Variants in TNFSF11 observed in about 807,000 individuals in gnomAD.
TNFSF11 encodes tumor necrosis factor ligand superfamily member 11.
A neutral mutation model predicts 32.2 loss-of-function variants in TNFSF11; 12 were observed. The observed-to-expected ratio is 0.37, with a 90% confidence interval of 0.24 to 0.60. The LOEUF is 0.60. Among genes scored for constraint, TNFSF11 ranks in the 20% least tolerant of loss-of-function variants. The probability of loss-of-function intolerance (pLI) is 0.66; values close to 1 mark genes in which losing one functional copy is unlikely to be tolerated. For missense variants in TNFSF11, 345 were observed against 398.0 expected, an observed-to-expected ratio of 0.87 and a Z score of 1.13; for synonymous variants, 172 against 152.1, an observed-to-expected ratio of 1.13 and a Z score of -0.96.
At chr13:42,589,664 T>A (rs1443807299) in intron 2 of TNFSF11, among the ~76,000 whole-genome samples, 2 of 152,070 alleles carry the variant, frequency 1.3e-5, no homozygotes, top group Non-Finnish European at 2.9e-5. Context: ...CTCACCACAG[T>A]ATGGTGCTGA....
chr13:42,604,640 C>T lies in TNFSF11; in HGVS notation c.533-1857C>T, dbSNP rs576912741. Among the ~76,000 whole-genome samples, 4 of 152,286 alleles carry T rather than the reference C, an allele frequency of 2.6e-5. No homozygotes were observed. In the East Asian group the frequency reaches 7.7e-4, roughly 29 times the overall value. On this transcript the variant is annotated intron_variant, in intron 4 of 4. Coordinates refer to ENST00000398795, the MANE Select transcript of TNFSF11 (RefSeq NM_003701.4). ...TAGTTTTGAGGCTCCCAGATCATAT[C>T]CCAGGCTCCCAGTTCTTTAGAGATA... is the stretch of plus-strand genomic sequence containing the variant.
intron 4 of TNFSF11, among the ~76,000 whole-genome samples, chr13:42,602,317 G>A (rs1026768906): frequency 7.9e-5 from 12 of 152,298 alleles, no homozygotes; most frequent in Middle Eastern, 6.8e-3. Flanking sequence ...GCCATAGTAA[G>A]CACTTGGGAG....
intron 1 of TNFSF11, among the ~76,000 whole-genome samples, chr13:42,580,669 C>T (rs972064806): frequency 5.3e-5 from 8 of 152,110 alleles, no homozygotes; most frequent in Non-Finnish European, 7.4e-5. Context: ...ATGTTGATTT[C>T]GCCTGTTTTA....
At chr13:42,605,072 C>T (rs865867377) in intron 4 of TNFSF11, among the ~76,000 whole-genome samples, 2 of 152,180 alleles carry the variant, frequency 1.3e-5, no homozygotes, top group South Asian at 2.1e-4. Context: ...CGTGAGCCAC[C>T]GTGCCCAGCC....
rs118013162 is a variant in TNFSF11, at chr13:42,587,894, A to G, written c.387+6601A>G. ...TGTAACTGCTTGTGAAACTGTAATC[A>G]TTGAAGTTGTTATATGCCACTATTT... On this transcript the variant is annotated intron_variant, in intron 2 of 4. Transcript: ENST00000398795. Among the ~76,000 whole-genome samples the G allele has an allele frequency of 9.5e-3, 1,452 of 152,352 alleles. 13 individuals carry two copies. Among genetic ancestry groups the G allele is most frequent in the Non-Finnish European group, 0.015 (1,019 of 68,026 alleles).
chr13:42,582,547 G>A lies in TNFSF11; in HGVS notation c.387+1254G>A, dbSNP rs532501553. ...AGGTTCTAGTTGTATCTTAATTCCAGAGATATCAAAACGTTAAAAAGTTGT... is the reference window on the plus strand; with the variant it reads ...AGGTTCTAGTTGTATCTTAATTCCAAAGATATCAAAACGTTAAAAAGTTGT... On this transcript the variant is annotated intron_variant, in intron 2 of 4. Transcript: ENST00000398795. 1.2e-4 allele frequency among the ~76,000 whole-genome samples: 18 copies of A among 152,300 alleles called. No individual in the cohort carries two copies. In the South Asian group the frequency reaches 3.1e-3, roughly 26 times the overall value.
chr13:42,601,196 C>T (rs967043823), intron 4 of TNFSF11, among the ~76,000 whole-genome samples: 4 of 152,180 alleles, frequency 2.6e-5, no homozygotes, highest in Admixed American at 2.0e-4. Context: ...TATTCATTTT[C>T]AGATCATCAG....
chr13:42,587,530 A>C (rs536719973), intron 2 of TNFSF11, among the ~76,000 whole-genome samples: 2 of 152,362 alleles, frequency 1.3e-5, no homozygotes, highest in African/African-American at 4.8e-5. Context: ...TATTTTCAAA[A>C]GGTCAAAATA....
At chr13:42,581,614 GA>G (rs1332387287) in intron 2 of TNFSF11, among the ~76,000 whole-genome samples, 1 of 152,166 alleles carries the variant, frequency 6.6e-6, no homozygotes, top group Admixed American at 6.5e-5. Context: ...ATGCTAGTTT[GA>G]ATTCCCTGAC....
intron 2 of TNFSF11, among the ~76,000 whole-genome samples, chr13:42,588,735 A>G (rs946173615): frequency 6.6e-6 from 1 of 152,290 alleles, no homozygotes; most frequent in Non-Finnish European, 1.5e-5. Context: ...TTGGCAGTTC[A>G]GGGGTGGACT....
intron 1 of TNFSF11, among the ~76,000 whole-genome samples, chr13:42,578,653 C>T (rs1178087020): frequency 1.3e-5 from 2 of 151,844 alleles, no homozygotes; most frequent in Admixed American, 6.6e-5. Flanking sequence ...TTCTCAACTG[C>T]ACATTGAAAG....
chr13:42,577,749 C>T (rs1027525850), intron 1 of TNFSF11, among the ~76,000 whole-genome samples: 4 of 152,140 alleles, frequency 2.6e-5, no homozygotes, highest in Admixed American at 1.3e-4. Flanking sequence ...GAGGTGTGCA[C>T]TGCCTGTTTG....
chr13:42,567,034 G>T (rs1395998620), intron 2 of TNFSF11, among the ~76,000 whole-genome samples: 3 of 151,728 alleles, frequency 2.0e-5, no homozygotes, highest in Non-Finnish European at 4.4e-5. Flanking sequence ...AAATGAAACT[G>T]CAAGTTAAAC....
chr13:42,603,878 G>A (rs531770043), intron 4 of TNFSF11, among the ~76,000 whole-genome samples: 3 of 152,282 alleles, frequency 2.0e-5, no homozygotes, highest in Non-Finnish European at 2.9e-5. Context: ...AAAACACCAC[G>A]TAGATATTGT....
Position 42,607,075 on chromosome 13 carries a change from G to T in TNFSF11, c.*157G>T, listed in dbSNP as rs199767949. 1 of 877,428 alleles carries T rather than the reference G, an allele frequency of 1.1e-6. No homozygotes were observed. The highest frequency in any genetic ancestry group is 1.7e-6 in the Non-Finnish European group (1 of 575,870). 54.4% of individuals were successfully genotyped at this position (877,428 alleles called of 1,614,324 possible). On this transcript the variant is annotated 3_prime_UTR_variant, in exon 5 of 5. Transcript: ENST00000398795. ...ATGCTCTTGACCTTGTAGAGAACAC[G>T]CGTATTTACAGCCAGTGGGAGATGT...
intron 2 of TNFSF11, among the ~76,000 whole-genome samples, chr13:42,594,075 A>G (rs1868648658): frequency 6.6e-6 from 1 of 151,896 alleles, no homozygotes; most frequent in Non-Finnish European, 1.5e-5. Flanking sequence ...ATTTATTATT[A>G]TTATTATTAA....
At chr13:42,581,846 G>C (rs989358921) in intron 2 of TNFSF11, among the ~76,000 whole-genome samples, 1 of 152,198 alleles carries the variant, frequency 6.6e-6, no homozygotes, top group Non-Finnish European at 1.5e-5. Context: ...TTCTGGGAGA[G>C]CTGAGTGACA....
intron 4 of TNFSF11, among the ~76,000 whole-genome samples, chr13:42,605,443 T>A (rs1266012743): frequency 1.3e-5 from 2 of 152,244 alleles, no homozygotes; most frequent in Non-Finnish European, 2.9e-5. Flanking sequence ...CTTTTCCAGT[T>A]GAACAATAGT....
intron 1 of TNFSF11, among the ~76,000 whole-genome samples, chr13:42,577,788 G>A (rs1594460722): frequency 6.6e-6 from 1 of 152,134 alleles, no homozygotes; most frequent in Admixed American, 6.5e-5. Context: ...TAGCACAAAC[G>A]TCAAGCATCC....
Sources: allele counts gnomAD v4.1 joint callset (sites outside exome capture counted in the v4.1 genomes callset), GRCh38; gene constraint gnomAD v4.1.1; transcripts MANE v1.5; gene names NCBI Gene and HGNC (gene_info 2026-07-23, HGNC 2026-07-21).